EXOC4: variants seen among roughly 807,000 people sequenced by gnomAD.
EXOC4 encodes SEC8-like 1.
A neutral mutation model predicts 107.2 loss-of-function variants in EXOC4; 71 were observed. The observed-to-expected ratio is 0.66, with a 90% CI of 0.55 to 0.81. The LOEUF (loss-of-function observed/expected upper bound fraction) is 0.81. EXOC4 is among the 30% of genes least tolerant of loss of function. EXOC4 has a pLI of 0.00. For missense variants in EXOC4, 1,108 were observed against 1,189.6 expected, an observed-to-expected ratio of 0.93 and a Z score of 1.01; for synonymous variants, 456 against 441.2, an observed-to-expected ratio of 1.03 and a Z score of -0.42.
intron 17 of EXOC4, among the ~76,000 whole-genome samples, chr7:134,020,346 G>T (rs1795001069): frequency 6.6e-6 from 1 of 152,218 alleles, no homozygotes; most frequent in African/African-American, 2.4e-5. Context: ...AGAAATACCG[G>T]CCCTGACCTC....
downstream of EXOC4, among the ~76,000 whole-genome samples, chr7:134,067,816 C>G (rs1034693574): frequency 6.6e-6 from 1 of 152,132 alleles, no homozygotes; most frequent in Non-Finnish European, 1.5e-5. Flanking sequence ...CCTTACCCCA[C>G]AAGCACTTCT....
rs575799393 is a variant in EXOC4, at chr7:133,642,496, C to G, written c.1514+12355C>G. On this transcript the variant is annotated intron_variant, in intron 10 of 17. Coordinates refer to ENST00000253861, the MANE Select transcript of EXOC4 (RefSeq NM_021807.4). ...TTCTACTTAGAAGATCCTTGTCCCT[C>G]TTACCCCACACGTCTAGTGTTGCTA... 9.8e-5 allele frequency among the ~76,000 whole-genome samples: 15 copies of G among 152,328 alleles called. 1 individual carries two copies. In the South Asian group the frequency reaches 2.3e-3, roughly 23 times the overall value.
At chr7:133,572,550 TC>T (rs759573891) in intron 9 of EXOC4, among the ~76,000 whole-genome samples, 1 of 152,216 alleles carries the variant, frequency 6.6e-6, no homozygotes, top group Non-Finnish European at 1.5e-5. Context: ...TTGATAGTCT[TC>T]CTGTGTGTAC....
intron 14 of EXOC4, among the ~76,000 whole-genome samples, chr7:133,939,154 A>C (rs2116733671): frequency 6.6e-6 from 1 of 152,346 alleles, no homozygotes; most frequent in African/African-American, 2.4e-5. Context: ...TGAATTTAAT[A>C]TTAGGGCTAT....
intron 11 of EXOC4, among the ~76,000 whole-genome samples, chr7:133,823,528 T>C (rs1797575442): frequency 6.6e-6 from 1 of 151,780 alleles, no homozygotes; most frequent in Non-Finnish European, 1.5e-5. Context: ...AAAATTATTG[T>C]TGAAGGCTGG....
At chr7:133,986,799 A>G (rs766664922) in intron 14 of EXOC4, among the ~76,000 whole-genome samples, 1 of 152,216 alleles carries the variant, frequency 6.6e-6, no homozygotes, top group Non-Finnish European at 1.5e-5. Flanking sequence ...AATTATGAAG[A>G]CTGGGGGTAG....
intron 10 of EXOC4, among the ~76,000 whole-genome samples, chr7:133,658,801 G>A (rs1803362667): frequency 3.9e-5 from 6 of 152,120 alleles, no homozygotes; most frequent in Admixed American, 3.3e-4. Flanking sequence ...GAGTAAAGAT[G>A]TGGTGTTTAA....
intron 3 of EXOC4, among the ~76,000 whole-genome samples, chr7:133,301,700 T>C (rs1794644475): frequency 6.6e-6 from 1 of 152,236 alleles, no homozygotes; most frequent in Admixed American, 6.5e-5. Flanking sequence ...TCTTCTTTTT[T>C]TGGCTTGAAC....
intron 14 of EXOC4, among the ~76,000 whole-genome samples, chr7:133,991,270 G>T (rs929627898): frequency 5.9e-5 from 9 of 151,514 alleles, no homozygotes; most frequent in African/African-American, 2.2e-4. Flanking sequence ...CAGATTATTT[G>T]TTGTTTTTTT....
intron 6 of EXOC4, among the ~76,000 whole-genome samples, chr7:133,364,440 A>T (rs1195512535): frequency 6.6e-6 from 1 of 151,802 alleles, no homozygotes; most frequent in Non-Finnish European, 1.5e-5. Flanking sequence ...ATGCCTGGCC[A>T]GTTTTAATGA....
intron 7 of EXOC4, among the ~76,000 whole-genome samples, chr7:133,400,797 C>G (rs113231047): frequency 2.0e-5 from 3 of 151,916 alleles, no homozygotes; most frequent in African/African-American, 7.3e-5. Flanking sequence ...GGTTAATAAA[C>G]GAGGTAATGA....
chr7:134,034,362 C>A (rs1795339634), intron 17 of EXOC4, among the ~76,000 whole-genome samples: 1 of 152,206 alleles, frequency 6.6e-6, no homozygotes, highest in South Asian at 2.1e-4. Flanking sequence ...TCTAGAAGCA[C>A]CCTCTTTGAG....
At chr7:133,599,596 G>A (rs1191787577) in intron 9 of EXOC4, among the ~76,000 whole-genome samples, 1 of 152,104 alleles carries the variant, frequency 6.6e-6, no homozygotes, top group Non-Finnish European at 1.5e-5. Context: ...TACCAAATTA[G>A]CCTTTCAGAC....
At chr7:133,728,513 T>C (rs1046979145) in intron 10 of EXOC4, among the ~76,000 whole-genome samples, 1 of 152,204 alleles carries the variant, frequency 6.6e-6, no homozygotes, top group African/African-American at 2.4e-5. Flanking sequence ...AGATTTAAGT[T>C]GGATTTTCTG....
intron 10 of EXOC4, among the ~76,000 whole-genome samples, chr7:133,711,786 G>A (rs1157642031): frequency 6.6e-6 from 1 of 152,134 alleles, no homozygotes; most frequent in Non-Finnish European, 1.5e-5. Context: ...TCATATGGGT[G>A]CCTCTTATTA....
intron 5 of EXOC4, among the ~76,000 whole-genome samples, chr7:133,342,053 A>G (rs1330926617): frequency 6.6e-6 from 1 of 151,444 alleles, no homozygotes; most frequent in African/African-American, 2.4e-5. Context: ...TTGAGATGTG[A>G]GGTACTGTTC....
chr7:133,409,115 T>C (rs1797297669), intron 7 of EXOC4, among the ~76,000 whole-genome samples: 1 of 152,212 alleles, frequency 6.6e-6, no homozygotes, highest in African/African-American at 2.4e-5. Context: ...AGGCTGTACC[T>C]CTGTGTTGTT....
At chr7:133,472,985 T>A (rs1798920054) in intron 7 of EXOC4, among the ~76,000 whole-genome samples, 1 of 152,218 alleles carries the variant, frequency 6.6e-6, no homozygotes, top group Non-Finnish European at 1.5e-5. Flanking sequence ...GTTACTTGGA[T>A]TAGTGTATTT....
chr7:133,995,899 T>C (rs1794380314), intron 14 of EXOC4, among the ~76,000 whole-genome samples: 1 of 152,140 alleles, frequency 6.6e-6, no homozygotes, highest in Non-Finnish European at 1.5e-5. Flanking sequence ...AGATGTTGGC[T>C]CTCTACCCTA....
Sources: allele counts gnomAD v4.1 joint callset (sites outside exome capture counted in the v4.1 genomes callset), GRCh38; gene constraint gnomAD v4.1.1; transcripts MANE v1.5; gene names NCBI Gene and HGNC (gene_info 2026-07-23, HGNC 2026-07-21).